Variants in SCHIP1 observed in about 807,000 individuals in gnomAD.
SCHIP1 encodes the protein schwannomin interacting protein 1.
SCHIP1 carries 8 observed loss-of-function variants against 29.7 expected under a neutral mutation model. The observed-to-expected ratio is 0.27, with a 90% CI of 0.16 to 0.49. The LOEUF (loss-of-function observed/expected upper bound fraction) is 0.49. SCHIP1 is among the 20% of genes least tolerant of loss of function. The probability of loss-of-function intolerance (pLI) is 0.99; values close to 1 mark genes in which losing one functional copy is unlikely to be tolerated. For missense variants in SCHIP1, 193 were observed against 294.6 expected (o/e 0.66, Z 2.52); for synonymous variants, 76 against 94.9 (o/e 0.80, Z 1.16).
At chr3:159,821,479 T>G in the SCHIP1 span, among the ~76,000 whole-genome samples, 1 of 152,162 alleles carries the variant, frequency 6.6e-6, no homozygotes, top group Non-Finnish European at 1.5e-5. Context: ...AGTGGATGCC[T>G]GATACCATGG....
chr3:159,721,805 CT>C, the SCHIP1 span: 1 of 425,058 alleles, frequency 2.4e-6, no homozygotes. Context: ...CTTTGGCATC[CT>C]CCATGGAAAT....
the SCHIP1 span, among the ~76,000 whole-genome samples, chr3:159,435,173 A>G: frequency 8.5e-5 from 13 of 152,272 alleles, no homozygotes; most frequent in East Asian, 1.9e-3. Flanking sequence ...CAAGCTTCAG[A>G]GTTATCATCA....
chr3:159,562,561 G>A, the SCHIP1 span, among the ~76,000 whole-genome samples: 2 of 152,156 alleles, frequency 1.3e-5, no homozygotes, highest in South Asian at 2.1e-4. Flanking sequence ...TGGCACAATC[G>A]ATCAAGACAG....
the SCHIP1 span, among the ~76,000 whole-genome samples, chr3:159,551,939 T>G: frequency 5.3e-5 from 8 of 152,078 alleles, no homozygotes; most frequent in Admixed American, 3.3e-4. Context: ...TTTGTGATAC[T>G]TACAAAAGGA....
the SCHIP1 span, among the ~76,000 whole-genome samples, chr3:159,297,339 G>A: frequency 1.3e-5 from 2 of 152,296 alleles, no homozygotes; most frequent in East Asian, 3.9e-4. Flanking sequence ...TGGGTCATAT[G>A]ATAGTTCTAT....
chr3:159,282,340 T>C, the SCHIP1 span, among the ~76,000 whole-genome samples: 17 of 152,182 alleles, frequency 1.1e-4, no homozygotes, highest in Middle Eastern at 6.8e-3. Context: ...TGTGGCCATG[T>C]TGACTTATTC....
At chr3:159,533,290 G>A in the SCHIP1 span, among the ~76,000 whole-genome samples, 22 of 152,216 alleles carry the variant, frequency 1.4e-4, no homozygotes, top group East Asian at 3.9e-4. Context: ...CAATCTCCCC[G>A]TGAGAGAAAA....
chr3:159,707,086 A>G, the SCHIP1 span, among the ~76,000 whole-genome samples: 1 of 152,204 alleles, frequency 6.6e-6, no homozygotes, highest in East Asian at 1.9e-4. Flanking sequence ...AATGGTGGCA[A>G]GTGTTACAAA....
At chr3:159,694,544 GAAAGAAA>G in the SCHIP1 span, among the ~76,000 whole-genome samples, 1 of 16,032 alleles carries the variant, frequency 6.2e-5, no homozygotes, top group Admixed American at 8.3e-4. Flanking sequence ...AGACAAGAAA[GAAAGAAA>G]GAAAGAAAGA....
the SCHIP1 span, among the ~76,000 whole-genome samples, chr3:159,666,472 CTTGT>C: frequency 2.6e-5 from 4 of 152,248 alleles, no homozygotes; most frequent in South Asian, 4.1e-4. Flanking sequence ...AAATAGAATG[CTTGT>C]TTATTTCCTT....
chr3:159,419,939 T>A, the SCHIP1 span, among the ~76,000 whole-genome samples: 1 of 152,232 alleles, frequency 6.6e-6, no homozygotes, highest in East Asian at 1.9e-4. Flanking sequence ...TGTGTCTCAC[T>A]CCAAAGACCA....
At chr3:159,797,318 A>G in the SCHIP1 span, among the ~76,000 whole-genome samples, 1 of 152,186 alleles carries the variant, frequency 6.6e-6, no homozygotes, top group East Asian at 1.9e-4. Flanking sequence ...TAATTTCCTC[A>G]GTCTTACCTT....
chr3:159,828,480 T>C, the SCHIP1 span, among the ~76,000 whole-genome samples: 1,270 of 120,820 alleles, frequency 0.011, 69 homozygotes, highest in Non-Finnish European at 0.015. Context: ...TACACACACA[T>C]ACACATACAT....
At chr3:159,481,129 G>A in the SCHIP1 span, among the ~76,000 whole-genome samples, 3 of 152,098 alleles carry the variant, frequency 2.0e-5, no homozygotes, top group African/African-American at 7.2e-5. Flanking sequence ...CCATCTGGAT[G>A]TACACATGCA....
the SCHIP1 span, among the ~76,000 whole-genome samples, chr3:159,762,234 C>T: frequency 6.6e-6 from 1 of 152,188 alleles, no homozygotes; most frequent in Admixed American, 6.5e-5. Flanking sequence ...ATCATCAGTA[C>T]CGTTTTACAA....
At chr3:159,626,245 T>TAG in the SCHIP1 span, among the ~76,000 whole-genome samples, 1 of 106,556 alleles carries the variant, frequency 9.4e-6, no homozygotes, top group Non-Finnish European at 1.8e-5. Flanking sequence ...TATATCTATC[T>TAG]ATCTATATAG....
chr3:159,380,525 T>C, the SCHIP1 span, among the ~76,000 whole-genome samples: 27 of 152,318 alleles, frequency 1.8e-4, no homozygotes, highest in African/African-American at 5.5e-4. Context: ...GTTATACTAG[T>C]ACCATTATTA....
chr3:159,363,987 T>C, the SCHIP1 span, among the ~76,000 whole-genome samples: 1 of 152,232 alleles, frequency 6.6e-6, no homozygotes, highest in Non-Finnish European at 1.5e-5. Flanking sequence ...GACAAAGCAA[T>C]TCTAAAATAG....
the SCHIP1 span, among the ~76,000 whole-genome samples, chr3:159,751,793 G>A: frequency 6.6e-6 from 1 of 152,142 alleles, no homozygotes; most frequent in South Asian, 2.1e-4. Flanking sequence ...TGATCTGCCT[G>A]CCTTGGCCTC....
Sources: gnomAD v4.1 joint callset for allele counts (sites outside exome capture counted in the v4.1 genomes callset) on GRCh38, gnomAD v4.1.1 for gene constraint, MANE v1.5 for transcripts, NCBI Gene and HGNC (gene_info 2026-07-23, HGNC 2026-07-21) for gene names.